The following TACR1 variants were observed in gnomAD, a reference collection of about 807,000 sequenced individuals.
TACR1 encodes tachykinin receptor 1, also known as substance-P receptor.
In TACR1, 25 loss-of-function variants were observed where a neutral mutation model predicts 35.8. The observed-to-expected ratio is 0.70, with a 90% confidence interval of 0.51 to 0.98. TACR1 has a LOEUF of 0.98. Ranked by LOEUF, TACR1 falls within the 50% of genes least tolerant of loss-of-function variation. The pLI is 0.00. For synonymous variants in TACR1, 195 were observed against 206.7 expected (o/e 0.94, Z 0.48); for missense variants, 478 against 522.9 (o/e 0.91, Z 0.84).
chr2:75,175,004 A>G (rs984425027), intron 1 of TACR1, among the ~76,000 whole-genome samples: 2 of 152,212 alleles, frequency 1.3e-5, no homozygotes, highest in East Asian at 3.8e-4. Context: ...TTTTACTCTG[A>G]AATAATGTCT....
intron 1 of TACR1, among the ~76,000 whole-genome samples, chr2:75,183,577 GT>G (rs1558584979): frequency 6.6e-6 from 1 of 152,162 alleles, no homozygotes; most frequent in Non-Finnish European, 1.5e-5. Context: ...TGGGGAAACC[GT>G]GTACTACGGC....
chr2:75,082,377 A>G (rs1489069631), intron 2 of TACR1, among the ~76,000 whole-genome samples: 2 of 152,248 alleles, frequency 1.3e-5, no homozygotes, highest in South Asian at 2.1e-4. Flanking sequence ...TAGTGCCACA[A>G]TAAACATACG....
At chr2:75,141,694 G>A (rs756231752) in intron 1 of TACR1, among the ~76,000 whole-genome samples, 7 of 152,148 alleles carry the variant, frequency 4.6e-5, no homozygotes, top group Non-Finnish European at 4.4e-5. Context: ...GAATAAATAC[G>A]CAGATGAATG....
intron 2 of TACR1, among the ~76,000 whole-genome samples, chr2:75,072,351 C>T (rs964154780): frequency 5.3e-5 from 8 of 152,156 alleles, no homozygotes; most frequent in Admixed American, 2.6e-4. Context: ...GCTGAAAGAT[C>T]GCCAAGTATC....
chr2:75,153,600 T>A (rs534056659), intron 1 of TACR1, among the ~76,000 whole-genome samples: 3 of 152,208 alleles, frequency 2.0e-5, no homozygotes, highest in Non-Finnish European at 2.9e-5. Flanking sequence ...AAAAAACCCA[T>A]TAAAATACAT....
intron 1 of TACR1, among the ~76,000 whole-genome samples, chr2:75,195,145 T>C (rs142468694): frequency 6.6e-6 from 1 of 152,298 alleles, no homozygotes; most frequent in East Asian, 1.9e-4. Flanking sequence ...GTAAAGAATT[T>C]TTAAATTCTA....
intron 2 of TACR1, among the ~76,000 whole-genome samples, chr2:75,054,460 G>A (rs1672534095): frequency 6.6e-6 from 1 of 152,138 alleles, no homozygotes; most frequent in Admixed American, 6.5e-5. Context: ...AGCTGCCTGG[G>A]TCCCTGAATT....
At chr2:75,067,723 C>T (rs1672794995) in intron 2 of TACR1, among the ~76,000 whole-genome samples, 1 of 152,058 alleles carries the variant, frequency 6.6e-6, no homozygotes, top group South Asian at 2.1e-4. Context: ...GTGCCCCATG[C>T]AGAGACAAAA....
intron 1 of TACR1, among the ~76,000 whole-genome samples, chr2:75,152,169 C>T (rs1477681207): frequency 6.6e-6 from 1 of 152,072 alleles, no homozygotes; most frequent in South Asian, 2.1e-4. Flanking sequence ...TGAGTTAAGA[C>T]TTTGGGGGAC....
intron 1 of TACR1, among the ~76,000 whole-genome samples, chr2:75,158,206 T>C (rs993788244): frequency 6.6e-6 from 1 of 152,216 alleles, no homozygotes; most frequent in Non-Finnish European, 1.5e-5. Context: ...GAGATCTTCC[T>C]ATGGACGAAG....
At position 75,148,539 on chromosome 2, in the gene TACR1, A is replaced by G. The variant is rs529836134; in HGVS notation, c.390-27771T>C. On this transcript the variant is annotated intron_variant, in intron 1 of 4. Coordinates refer to ENST00000305249, the MANE Select transcript of TACR1 (RefSeq NM_001058.4). ...GTCCTCTTTTGAGAAGTGTTTGTTT[A>G]TATCCTTTGCCCACTTTTTGATGGA... Among the ~76,000 whole-genome samples, 10 of 152,268 alleles carry G rather than the reference A, an allele frequency of 6.6e-5. No homozygotes were observed. In the East Asian group the frequency reaches 1.5e-3, roughly 24 times the overall value.
chr2:75,085,905 A>G (rs1558548006), intron 2 of TACR1, among the ~76,000 whole-genome samples: 2 of 152,318 alleles, frequency 1.3e-5, no homozygotes, highest in East Asian at 1.9e-4. Context: ...CACCACTAGT[A>G]TGCACCAGTA....
intron 1 of TACR1, among the ~76,000 whole-genome samples, chr2:75,161,638 G>C (rs1310809083): frequency 1.3e-5 from 2 of 151,874 alleles, no homozygotes; most frequent in Non-Finnish European, 2.9e-5. Context: ...TAGTAAAGGA[G>C]GTATAAAAAT....
Position 75,199,250 on chromosome 2 carries a change from T to A in TACR1, c.-316A>T, listed in dbSNP as rs1676072701. On this transcript the variant is annotated 5_prime_UTR_variant, in exon 1 of 5. Transcript: ENST00000305249. ...GGGAAAGAAATTCCACCGGTCACAG[T>A]TCTAGGAAGCAAGAGATCCCCCGCA... The A allele has an allele frequency of 6.7e-6, 2 of 300,004 alleles. No homozygotes were observed. Among genetic ancestry groups the A allele is most frequent in the Non-Finnish European group, 1.3e-5 (2 of 159,212 alleles). The allele number at this position is 300,004 out of a possible 1,614,324, so 18.6% of individuals were successfully genotyped here.
At chr2:75,197,715 G>A (rs1572997060) in intron 1 of TACR1, among the ~76,000 whole-genome samples, 2 of 152,118 alleles carry the variant, frequency 1.3e-5, no homozygotes, top group South Asian at 2.1e-4. Flanking sequence ...GTTGGTTGCC[G>A]GAACAGAAGA....
intron 1 of TACR1, among the ~76,000 whole-genome samples, chr2:75,133,826 C>G (rs1166024841): frequency 1.3e-5 from 2 of 152,148 alleles, no homozygotes; most frequent in East Asian, 3.9e-4. Context: ...GTTAGGCATT[C>G]TAAATCACAG....
At chr2:75,095,678 G>A (rs777034046) in intron 2 of TACR1, among the ~76,000 whole-genome samples, 69 of 152,252 alleles carry the variant, frequency 4.5e-4, no homozygotes, top group Middle Eastern at 3.4e-3. Flanking sequence ...GAGAATTAGC[G>A]CTCGCCTAAT....
chr2:75,166,777 G>A (rs2104006107), intron 1 of TACR1, among the ~76,000 whole-genome samples: 1 of 152,300 alleles, frequency 6.6e-6, no homozygotes, highest in Non-Finnish European at 1.5e-5. Context: ...GTTATCTGAG[G>A]AAAACTGTTT....
At chr2:75,195,806 A>G (rs891361533) in intron 1 of TACR1, among the ~76,000 whole-genome samples, 4 of 152,228 alleles carry the variant, frequency 2.6e-5, no homozygotes, top group African/African-American at 9.6e-5. Flanking sequence ...ATATTCACAT[A>G]ATAGAATAGT....
Sources: gnomAD v4.1 joint callset for allele counts (sites outside exome capture counted in the v4.1 genomes callset) on GRCh38, gnomAD v4.1.1 for gene constraint, MANE v1.5 for transcripts, NCBI Gene and HGNC (gene_info 2026-07-23, HGNC 2026-07-21) for gene names.